Variants in FXN observed in about 807,000 individuals in gnomAD.
FXN encodes frataxin.
In FXN, 14 loss-of-function variants were observed where a neutral mutation model predicts 22.4. That is an observed-to-expected ratio of 0.62 (90% CI 0.41 to 0.98). The LOEUF (loss-of-function observed/expected upper bound fraction) is 0.98. Among genes scored for constraint, FXN ranks in the 50% least tolerant of loss-of-function variants. FXN has a pLI of 0.00. For synonymous variants in FXN, 120 were observed against 114.1 expected (o/e 1.05, Z -0.33); for missense variants, 267 against 268.4 (o/e 0.99, Z 0.04).
intron 3 of FXN, among the ~76,000 whole-genome samples, chr9:69,058,478 G>A (rs1298288272): frequency 1.3e-5 from 2 of 151,890 alleles, no homozygotes; most frequent in Admixed American, 1.3e-4. Flanking sequence ...ATTCACTAAG[G>A]TGTCAGCATA....
chr9:69,063,297 A>G (rs1196249075), intron 3 of FXN, among the ~76,000 whole-genome samples: 1 of 152,334 alleles, frequency 6.6e-6, no homozygotes, highest in African/African-American at 2.4e-5. Context: ...TAGAAAGAAC[A>G]GTGTCTTTGG....
chr9:69,076,668 G>C lies in FXN; in HGVS notation c.*3906G>C. 1 of 985,470 alleles carries C rather than the reference G, an allele frequency of 1.0e-6. No individual in the cohort carries two copies. The highest frequency in any genetic ancestry group is 1.2e-6 in the Non-Finnish European group (1 of 829,948). The allele number at this position is 985,470 out of a possible 1,614,324, so 61.0% of individuals were successfully genotyped here. On this transcript the variant is annotated 3_prime_UTR_variant, in exon 5 of 5. Coordinates refer to ENST00000484259, the MANE Select transcript of FXN (RefSeq NM_000144.5). The stretch of plus-strand genomic sequence containing the variant: ...ACCCATGTTCATAGTGATGGAGTTT[G>C]TGTGGACTAACCATGCAAGGTTGCC...
chr9:69,072,940 C>G lies in FXN; in HGVS notation c.*178C>G. The G allele has an allele frequency of 6.9e-7, 1 of 1,452,514 alleles. No individual in the cohort carries two copies. Among genetic ancestry groups the G allele is most frequent in the Non-Finnish European group, 9.0e-7 (1 of 1,111,796 alleles). The allele number at this position is 1,452,514 out of a possible 1,614,324, so 90.0% of individuals were successfully genotyped here. A position where few individuals can be genotyped will look rare whatever the true frequency, so the allele number is the denominator to read the frequency against. ...AGAATGTGTTGCCTCCTACCTTGCC[C>G]CCAAGTTCTGATTTTTAATTTCTAT... On this transcript the variant is annotated 3_prime_UTR_variant, in exon 5 of 5. Transcript: ENST00000484259.
chr9:69,068,999 C>T (rs759578074), intron 4 of FXN, among the ~76,000 whole-genome samples: 5 of 152,218 alleles, frequency 3.3e-5, no homozygotes, highest in Non-Finnish European at 7.3e-5. Context: ...ATCTGAATGA[C>T]GGCACTGACC....
In FXN at chr9:69,072,807, C is replaced by T. The variant is rs1400165211; in HGVS notation, c.*45C>T. On this transcript the variant is annotated 3_prime_UTR_variant, in exon 5 of 5. Transcript: ENST00000484259. ...GACATTAAAAGCTATCAGGCCAAGACCCCAGCTTCATTATGCAGCTGAGGT... is the reference window on the plus strand; with the variant it reads ...GACATTAAAAGCTATCAGGCCAAGATCCCAGCTTCATTATGCAGCTGAGGT... The T allele has an allele frequency of 1.2e-6, 2 of 1,613,136 alleles. No homozygotes were observed. The highest frequency in any genetic ancestry group is 1.7e-6 in the Non-Finnish European group (2 of 1,180,000).
intron 1 of FXN, among the ~76,000 whole-genome samples, chr9:69,037,184 G>A (rs1831565967): frequency 6.6e-6 from 1 of 151,112 alleles, no homozygotes; most frequent in African/African-American, 2.4e-5. Context: ...AGCACTTTGG[G>A]AGGCCTAGGA....
At position 69,078,758 on chromosome 9, in the gene FXN, G is replaced by T; in HGVS notation, c.*5996G>T. The T allele has an allele frequency of 2.0e-6, 2 of 985,568 alleles. No homozygotes were observed. Among genetic ancestry groups the T allele is most frequent in the Non-Finnish European group, 2.4e-6 (2 of 830,034 alleles). 61.1% of individuals were successfully genotyped at this position (985,568 alleles called of 1,614,324 possible). A position where few individuals can be genotyped will look rare whatever the true frequency, so the allele number is the denominator to read the frequency against. ...TTTATTCCCCACATCTCTGCCTGGG[G>T]GGTAGATTCTACCCTGAAAAATGTT... is the stretch of plus-strand genomic sequence containing the variant. On this transcript the variant is annotated 3_prime_UTR_variant, in exon 5 of 5. Transcript: ENST00000484259.
chr9:69,035,788 G>A lies in FXN; in HGVS notation c.6G>A (p.Trp2Ter). The A allele has an allele frequency of 6.6e-7, 1 of 1,510,434 alleles. No individual in the cohort carries two copies. Among genetic ancestry groups the A allele is most frequent in the Non-Finnish European group, 8.8e-7 (1 of 1,136,048 alleles). 93.6% of individuals were successfully genotyped at this position (1,510,434 alleles called of 1,614,324 possible). The change falls in exon 1 of 5, where the codon TGG (tryptophan) becomes TGA (stop). Residue 2 changes from tryptophan (W) to a stop codon, truncating the protein, a stop_gained. Transcript: ENST00000484259. LOFTEE classifies it high-confidence loss of function. ...GGCGGCAGACCCGGAGCAGCATGTGGACTCTCGGGCGCCGCGCAGTAGCCG... is the reference window on the plus strand; with the variant it reads ...GGCGGCAGACCCGGAGCAGCATGTGAACTCTCGGGCGCCGCGCAGTAGCCG... M[W>*]TLGRRAVAGL... is the part of the protein sequence containing the mutation.
chr9:69,060,156 C>T (rs563253685), intron 3 of FXN, among the ~76,000 whole-genome samples: 11 of 152,146 alleles, frequency 7.2e-5, no homozygotes, highest in Non-Finnish European at 1.6e-4. Flanking sequence ...ATCACGAGGT[C>T]AGGAGATCGA....
At chr9:69,071,183 G>T (rs755287106) in intron 4 of FXN, 2 of 518,926 alleles carry the variant, frequency 3.9e-6, no homozygotes, top group Middle Eastern at 6.3e-4. Context: ...CCCGATAGCA[G>T]TATCAGAGTA....
chr9:69,067,548 G>A (rs1239374954), intron 4 of FXN, among the ~76,000 whole-genome samples: 1 of 152,206 alleles, frequency 6.6e-6, no homozygotes, highest in Non-Finnish European at 1.5e-5. Flanking sequence ...CTTGGCTAAA[G>A]AAGTCCCCAT....
chr9:69,074,086 G>A lies in FXN; in HGVS notation c.*1324G>A. On this transcript the variant is annotated 3_prime_UTR_variant, in exon 5 of 5. Coordinates refer to ENST00000484259, the MANE Select transcript of FXN (RefSeq NM_000144.5). ...TGTAATCCCAGCTACTTGGGAGGCT[G>A]AAGCGGAAGAATCGCTTGAACCCAG... 1 of 347,288 alleles carries A rather than the reference G, an allele frequency of 2.9e-6. No homozygotes were observed. Among genetic ancestry groups the A allele is most frequent in the Non-Finnish European group, 4.1e-6 (1 of 246,892 alleles). 21.5% of individuals were successfully genotyped at this position (347,288 alleles called of 1,614,324 possible). A position where few individuals can be genotyped will look rare whatever the true frequency, so the allele number is the denominator to read the frequency against.
chr9:69,053,335 C>G, intron 3 of FXN, 75 bp downstream of exon 3: 1 of 1,507,540 alleles, frequency 6.6e-7, no homozygotes, highest in Non-Finnish European at 9.2e-7. Context: ...GAATTTCCCT[C>G]CAGCAGAGCT....
At chr9:69,042,691 A>AACACAC (rs148566764) in intron 1 of FXN, among the ~76,000 whole-genome samples, 4 of 151,856 alleles carry the variant, frequency 2.6e-5, no homozygotes, top group African/African-American at 9.7e-5. Context: ...TATTAAATTA[A>AACACAC]ACACACACAC....
At chr9:69,036,935 G>C (rs1043217328) in intron 1 of FXN, among the ~76,000 whole-genome samples, 2 of 152,210 alleles carry the variant, frequency 1.3e-5, no homozygotes, top group African/African-American at 4.8e-5. Context: ...AGGCGGAAGG[G>C]GATCCCTTCA....
chr9:69,058,110 C>T (rs986513437), intron 3 of FXN, among the ~76,000 whole-genome samples: 3 of 152,184 alleles, frequency 2.0e-5, no homozygotes, highest in African/African-American at 7.2e-5. Flanking sequence ...AATCCAGATA[C>T]ACCCAAGAGG....
intron 1 of FXN, among the ~76,000 whole-genome samples, chr9:69,036,495 A>C (rs1831553550): frequency 1.3e-5 from 2 of 152,224 alleles, no homozygotes; most frequent in African/African-American, 4.8e-5. Context: ...AGAGCTGCAG[A>C]ATAGCTAGAG....
Position 69,076,387 on chromosome 9 carries a change from G to T in FXN, c.*3625G>T, listed in dbSNP as rs1261521263. 2.0e-6 allele frequency: 2 copies of T among 985,298 alleles called. No homozygotes were observed. The highest frequency in any genetic ancestry group is 2.4e-6 in the Non-Finnish European group (2 of 829,854). 61.0% of individuals were successfully genotyped at this position (985,298 alleles called of 1,614,324 possible). ...GGAGGACTTCTCCCAAAATATGGAT[G>T]ACGTTCCCTACTCAACCTTGAACTT... On this transcript the variant is annotated 3_prime_UTR_variant, in exon 5 of 5. Coordinates refer to ENST00000484259, the MANE Select transcript of FXN (RefSeq NM_000144.5).
Position 69,061,241 on chromosome 9 carries a change from T to C in FXN, c.385-3697T>C, listed in dbSNP as rs539903799. Among the ~76,000 whole-genome samples, 6 of 152,364 alleles carry C rather than the reference T, an allele frequency of 3.9e-5. No homozygotes were observed. In the South Asian group the frequency reaches 1.2e-3, roughly 32 times the overall value. Reference sequence around the variant, plus strand: ...GTGCACCCCCTGATTTGCTGTATGCTGAGGCATTGTGGTGATGGACGCAAG... The same window carrying C: ...GTGCACCCCCTGATTTGCTGTATGCCGAGGCATTGTGGTGATGGACGCAAG... On this transcript the variant is annotated intron_variant, in intron 3 of 4. Transcript: ENST00000484259.
Sources: gnomAD v4.1 joint callset for allele counts (sites outside exome capture counted in the v4.1 genomes callset) on GRCh38, gnomAD v4.1.1 for gene constraint, MANE v1.5 for transcripts, NCBI Gene and HGNC (gene_info 2026-07-23, HGNC 2026-07-21) for gene names.